Variants in FMNL2 observed in about 807,000 individuals in gnomAD.
FMNL2 encodes the protein formin like 2, also known as formin-like protein 2.
A neutral mutation model predicts 130.2 loss-of-function variants in FMNL2; 51 were observed. That is an observed-to-expected ratio of 0.39 (90% CI 0.31 to 0.49). The LOEUF (loss-of-function observed/expected upper bound fraction) is 0.49, where lower values mean the gene tolerates loss of function less well. FMNL2 is among the 20% of genes least tolerant of loss of function. FMNL2 has a pLI of 0.85. For synonymous variants in FMNL2, 465 were observed against 467.1 expected, an observed-to-expected ratio of 1.00 and a Z score of 0.06; for missense variants, 977 against 1,316.2, an observed-to-expected ratio of 0.74 and a Z score of 3.99.
intron 1 of FMNL2, among the ~76,000 whole-genome samples, chr2:152,342,762 G>A (rs1681884194): frequency 6.6e-6 from 1 of 152,222 alleles, no homozygotes; most frequent in South Asian, 2.1e-4. Flanking sequence ...GGGAAGAGCT[G>A]TTAGGTTGGA....
At chr2:152,593,030 G>A (rs1490086068) in intron 9 of FMNL2, among the ~76,000 whole-genome samples, 1 of 152,192 alleles carries the variant, frequency 6.6e-6, no homozygotes, top group Middle Eastern at 3.2e-3. Flanking sequence ...ATCAGGAAGG[G>A]AAGAGACCTG....
chr2:152,344,010 A>G (rs1011728102), intron 1 of FMNL2, among the ~76,000 whole-genome samples: 2 of 151,994 alleles, frequency 1.3e-5, no homozygotes, highest in African/African-American at 4.8e-5. Context: ...AAATTAGCAG[A>G]TGTGGTGGTG....
chr2:152,397,388 GA>G (rs5835428), intron 1 of FMNL2, among the ~76,000 whole-genome samples: 106,343 of 151,208 alleles, frequency 0.7, 38,468 homozygotes, highest in Admixed American at 0.82. Context: ...CAGTTAGGGG[GA>G]AAAAAAAAAA....
At chr2:152,547,311 TG>T (rs1694699208) in intron 3 of FMNL2, among the ~76,000 whole-genome samples, 1 of 152,190 alleles carries the variant, frequency 6.6e-6, no homozygotes, top group Admixed American at 6.5e-5. Flanking sequence ...TAGGGAGCTC[TG>T]GGGTTGGGTG....
intron 1 of FMNL2, among the ~76,000 whole-genome samples, chr2:152,387,696 C>T (rs753243301): frequency 3.3e-5 from 5 of 151,744 alleles, no homozygotes; most frequent in South Asian, 2.1e-4. Context: ...CTCTGTCATA[C>T]GGGCTAGAGT....
intron 6 of FMNL2, among the ~76,000 whole-genome samples, chr2:152,571,478 C>T (rs914570190): frequency 6.6e-6 from 1 of 152,132 alleles, no homozygotes; most frequent in Non-Finnish European, 1.5e-5. Flanking sequence ...TGGTTCTGCT[C>T]AAATTATGTG....
intron 1 of FMNL2, among the ~76,000 whole-genome samples, chr2:152,476,084 C>G (rs1299776996): frequency 6.6e-6 from 1 of 152,162 alleles, no homozygotes; most frequent in Non-Finnish European, 1.5e-5. Context: ...ACCTTCTCCT[C>G]TTTTATGAAT....
At chr2:152,641,238 G>C (rs1683060447) in intron 25 of FMNL2, among the ~76,000 whole-genome samples, 1 of 152,036 alleles carries the variant, frequency 6.6e-6, no homozygotes, top group Non-Finnish European at 1.5e-5. Flanking sequence ...TAAACACTGT[G>C]GACAAGACCC....
intron 1 of FMNL2, among the ~76,000 whole-genome samples, chr2:152,464,688 C>T (rs936169169): frequency 7.2e-5 from 11 of 152,148 alleles, no homozygotes; most frequent in Non-Finnish European, 1.6e-4. Context: ...AACAGATCAG[C>T]GTGTGAGGAG....
At chr2:152,336,943 C>A (rs1040042879) in intron 1 of FMNL2, among the ~76,000 whole-genome samples, 2 of 152,138 alleles carry the variant, frequency 1.3e-5, no homozygotes, top group African/African-American at 4.8e-5. Context: ...AGTTCTAGAT[C>A]AAAAATCGGT....
At chr2:152,595,587 A>T (rs1278733022) in intron 9 of FMNL2, among the ~76,000 whole-genome samples, 1 of 152,006 alleles carries the variant, frequency 6.6e-6, no homozygotes, top group African/African-American at 2.4e-5. Context: ...CCAAAGTGCT[A>T]AGATTACAGG....
intron 1 of FMNL2, among the ~76,000 whole-genome samples, chr2:152,444,194 G>C (rs1440971279): frequency 1.3e-5 from 2 of 152,164 alleles, no homozygotes; most frequent in Non-Finnish European, 2.9e-5. Flanking sequence ...TTTTCACGAT[G>C]ATGATGATGA....
chr2:152,602,222 G>C (rs1698117096), intron 9 of FMNL2, among the ~76,000 whole-genome samples: 1 of 152,212 alleles, frequency 6.6e-6, no homozygotes. Flanking sequence ...GGCTGTGTTA[G>C]CAGACTGAAG....
intron 1 of FMNL2, among the ~76,000 whole-genome samples, chr2:152,429,019 T>C (rs895013614): frequency 6.6e-6 from 1 of 151,080 alleles, no homozygotes; most frequent in Non-Finnish European, 1.5e-5. Flanking sequence ...CTGTTGTGTG[T>C]GAGGAGGGAG....
rs1553869242 is a variant in FMNL2 at position 152,367,073 on chromosome 2, G to GTGT, written c.117+31354_117+31355insGTT. Among the ~76,000 whole-genome samples, 659 of 88,168 alleles carry GTGT rather than the reference G, an allele frequency of 7.5e-3. 40 individuals are homozygous for GTGT. The highest frequency in any genetic ancestry group is 0.011 in the Non-Finnish European group (369 of 33,548). 57.8% of individuals were successfully genotyped at this position (88,168 alleles called of 152,430 possible). A position where few individuals can be genotyped will look rare whatever the true frequency, so the allele number is the denominator to read the frequency against. ...CTACCCTGTTATTGTGTGTGTGTGT[G>GTGT]TTTGTTTTTTTTTTTTTTCCCAGAT... is the stretch of plus-strand genomic sequence containing the variant. On this transcript the variant is annotated intron_variant, in intron 1 of 25. Transcript: ENST00000288670.
intron 1 of FMNL2, among the ~76,000 whole-genome samples, chr2:152,354,738 A>G (rs1415978802): frequency 1.3e-5 from 2 of 152,172 alleles, no homozygotes; most frequent in Admixed American, 6.5e-5. Context: ...TTTGCCCTAA[A>G]TTTTTGTAGT....
intron 1 of FMNL2, among the ~76,000 whole-genome samples, chr2:152,492,543 G>A (rs1691272522): frequency 6.6e-6 from 1 of 151,966 alleles, no homozygotes; most frequent in Non-Finnish European, 1.5e-5. Flanking sequence ...TTTTTTTCTT[G>A]CATTTTTATC....
intron 4 of FMNL2, among the ~76,000 whole-genome samples, chr2:152,553,411 T>C (rs1031257654): frequency 2.0e-5 from 3 of 152,162 alleles, no homozygotes; most frequent in African/African-American, 7.2e-5. Context: ...TGAATCCCTG[T>C]TTTATGGATG....
chr2:152,395,873 A>C, intron 1 of FMNL2, among the ~76,000 whole-genome samples: 1 of 23,722 alleles, frequency 4.2e-5, no homozygotes, highest in South Asian at 1.5e-3. Context: ...TGAAGGTGGG[A>C]GTCGTAGAGT....
Sources: gnomAD v4.1 joint callset for allele counts (sites outside exome capture counted in the v4.1 genomes callset) on GRCh38, gnomAD v4.1.1 for gene constraint, MANE v1.5 for transcripts, NCBI Gene and HGNC (gene_info 2026-07-23, HGNC 2026-07-21) for gene names.